MIB1: variants seen among roughly 807,000 people sequenced by gnomAD.
MIB1 encodes E3 ubiquitin-protein ligase MIB1.
MIB1 carries 278 observed loss-of-function variants against 124.5 expected under a neutral mutation model. The ratio of observed to expected loss-of-function variants is 2.23; its 90% CI spans 2.02 to 2.47. The LOEUF (loss-of-function observed/expected upper bound fraction) is 2.47. Ranked by LOEUF, MIB1 falls within the 30% of genes most tolerant of loss-of-function variation. The pLI is 0.00. For missense variants in MIB1, 957 were observed against 1,254.4 expected (o/e 0.76, Z 3.58); for synonymous variants, 446 against 429.4 (o/e 1.04, Z -0.48).
chr18:21,843,149 AT>A lies in MIB1; in HGVS notation c.1982del (p.Ile661ThrfsTer4). ...CGTTCAGGGTAATGCAAACCTGGAT[AT>A]CCAGAATGTGAACCAACAAACTGCC... ...LVHQGNANLD[I>X]QNVNQQTALH... On this transcript the variant is annotated frameshift_variant, in exon 14 of 21. Coordinates refer to ENST00000261537, the MANE Select transcript of MIB1 (RefSeq NM_020774.4). LOFTEE classifies it high-confidence loss of function. 1 of 1,602,322 alleles carries A rather than the reference AT, an allele frequency of 6.2e-7. No individual in the cohort carries two copies. The highest frequency in any genetic ancestry group is 8.5e-7 in the Non-Finnish European group (1 of 1,175,666).
intron 12 of MIB1, chr18:21,827,989 G>C (rs987985629): frequency 5.3e-5 from 8 of 151,874 alleles, no homozygotes; most frequent in Non-Finnish European, 1.0e-4. Context: ...GTCATTAGTA[G>C]CTTAAAACAG....
intron 12 of MIB1, among the ~76,000 whole-genome samples, chr18:21,832,599 T>A (rs546987520): frequency 2.0e-5 from 3 of 152,300 alleles, no homozygotes; most frequent in Admixed American, 6.5e-5. Context: ...AAATATGTCC[T>A]CTTAAGAAAC....
chr18:21,822,799 C>G (rs1229852628), intron 12 of MIB1, among the ~76,000 whole-genome samples: 1 of 152,134 alleles, frequency 6.6e-6, no homozygotes, highest in South Asian at 2.1e-4. Context: ...TCTTTTTGGC[C>G]TTTATACTAT....
Position 21,791,400 on chromosome 18 carries a change from C to G in MIB1, c.935C>G (p.Thr312Ser), listed in dbSNP as rs1343897362. ...TGGACCTTCAATCCTGCTGTTCTCACTAAAGCGAACATTGTCCGAAGTGGA... is the reference window on the plus strand; with the variant it reads ...TGGACCTTCAATCCTGCTGTTCTCAGTAAAGCGAACATTGTCCGAAGTGGA... ...NRWTFNPAVL[T>S]KANIVRSGDA... is the part of the protein sequence containing the mutation. The change falls in exon 7 of 21, where the codon ACT becomes AGT. Residue 312 changes from threonine (T) to serine (S), a missense_variant. Coordinates refer to ENST00000261537, the MANE Select transcript of MIB1 (RefSeq NM_020774.4). 1 of 1,613,314 alleles carries G rather than the reference C, an allele frequency of 6.2e-7. No individual in the cohort carries two copies. Among genetic ancestry groups the G allele is most frequent in the East Asian group, 2.2e-5 (1 of 44,858 alleles).
chr18:21,777,842 GC>G (rs1490492224), intron 4 of MIB1, among the ~76,000 whole-genome samples: 1 of 152,310 alleles, frequency 6.6e-6, no homozygotes, highest in East Asian at 1.9e-4. Context: ...ACAGGCGTGA[GC>G]CAACGTGTAC....
In MIB1 at chr18:21,759,044, T is replaced by C. The variant is rs1250988965; in HGVS notation, c.230-6728T>C. Among the ~76,000 whole-genome samples, 3 of 152,030 alleles carry C rather than the reference T, an allele frequency of 2.0e-5. No individual in the cohort carries two copies. The East Asian group carries it at 5.8e-4, about 29-fold the overall frequency. Reference sequence around the variant, plus strand: ...TAGAAAGAAAGCATTACTAATAACATTTGAACACCCTTTGTAGTATTTCTC... The same window carrying C: ...TAGAAAGAAAGCATTACTAATAACACTTGAACACCCTTTGTAGTATTTCTC... On this transcript the variant is annotated intron_variant, in intron 1 of 20. Transcript: ENST00000261537.
chr18:21,869,683 A>T lies in MIB1; in HGVS notation c.*5017A>T, dbSNP rs935525481. 6.6e-6 allele frequency: 1 copy of T among 152,408 alleles called. No individual in the cohort carries two copies. Among genetic ancestry groups the T allele is most frequent in the African/African-American group, 2.4e-5 (1 of 41,418 alleles). 9.4% of individuals were successfully genotyped at this position (152,408 alleles called of 1,614,324 possible). A position where few individuals can be genotyped will look rare whatever the true frequency, so the allele number is the denominator to read the frequency against. On this transcript the variant is annotated 3_prime_UTR_variant, in exon 21 of 21. Coordinates refer to ENST00000261537, the MANE Select transcript of MIB1 (RefSeq NM_020774.4). ...TAATTCTAATTAAGTTATTATGCAA[A>T]GTCATCTATAAGTAGCATCTGGGAA...
chr18:21,709,276 C>T (rs2040655049), intron 1 of MIB1, among the ~76,000 whole-genome samples: 1 of 149,742 alleles, frequency 6.7e-6, no homozygotes, highest in South Asian at 2.1e-4. Flanking sequence ...CCAGATAACG[C>T]CACTGCACTA....
chr18:21,834,794 A>C (rs1279379159), intron 12 of MIB1, among the ~76,000 whole-genome samples: 1 of 152,216 alleles, frequency 6.6e-6, no homozygotes, highest in Non-Finnish European at 1.5e-5. Flanking sequence ...CTAAATGTAA[A>C]GGGGTATTCT....
At chr18:21,719,702 C>T (rs1318350925) in intron 1 of MIB1, among the ~76,000 whole-genome samples, 1 of 151,598 alleles carries the variant, frequency 6.6e-6, no homozygotes, top group Non-Finnish European at 1.5e-5. Flanking sequence ...CATGATCCGC[C>T]CTCCTTGGCC....
At chr18:21,790,049 G>A (rs1301913401) in intron 6 of MIB1, among the ~76,000 whole-genome samples, 1 of 152,142 alleles carries the variant, frequency 6.6e-6, no homozygotes, top group African/African-American at 2.4e-5. Flanking sequence ...GAAAATGCCT[G>A]TATAAAGACA....
At chr18:21,827,294 G>T (rs896850129) in intron 12 of MIB1, 7 of 151,966 alleles carry the variant, frequency 4.6e-5, no homozygotes, top group Non-Finnish European at 8.8e-5. Context: ...AGTTAAACTC[G>T]CAAGCACCAG....
chr18:21,845,509 T>C (rs764097631), intron 15 of MIB1, among the ~76,000 whole-genome samples: 2 of 152,226 alleles, frequency 1.3e-5, no homozygotes, highest in Non-Finnish European at 2.9e-5. Flanking sequence ...TATGTTTAGG[T>C]CTATGATTCT....
chr18:21,758,785 G>A (rs1249865879), intron 1 of MIB1, among the ~76,000 whole-genome samples: 1 of 152,038 alleles, frequency 6.6e-6, no homozygotes, highest in Non-Finnish European at 1.5e-5. Flanking sequence ...CACCCGCCTC[G>A]GCCTCCCAAA....
At chr18:21,714,136 A>G (rs1365948300) in intron 1 of MIB1, among the ~76,000 whole-genome samples, 2 of 152,052 alleles carry the variant, frequency 1.3e-5, no homozygotes, top group Non-Finnish European at 2.9e-5. Flanking sequence ...GTGGATCTAC[A>G]CAGATCTCCA....
At chr18:21,787,979 C>T (rs1045595251) in intron 6 of MIB1, among the ~76,000 whole-genome samples, 2 of 152,132 alleles carry the variant, frequency 1.3e-5, no homozygotes, top group African/African-American at 4.8e-5. Flanking sequence ...AATTCCTCTA[C>T]ATCCTATAAA....
At chr18:21,805,299 C>T (rs1214231680) in intron 10 of MIB1, among the ~76,000 whole-genome samples, 1 of 152,096 alleles carries the variant, frequency 6.6e-6, no homozygotes, top group African/African-American at 2.4e-5. Context: ...AGGTGTGAGC[C>T]ACCGCGCCTA....
rs536200133 is a variant in MIB1 at position 21,741,527 on chromosome 18, C to CCGGCGGCAGCGGCGGCGGCGG, written c.-41_-21dup. On this transcript the variant is annotated 5_prime_UTR_variant, in exon 1 of 21. Transcript: ENST00000261537. This position sits in a 1 kb window ranked among gnomAD's most constrained non-coding sequence, Gnocchi z 5.4. The stretch of plus-strand genomic sequence containing the variant: ...CGGGCCCAACTCCCTCACGGGCCCC[C>CCGGCGGCAGCGGCGGCGGCGG]CGGCGGCAGCGGCGGCGGCGGCGGC... The CCGGCGGCAGCGGCGGCGGCGG allele has an allele frequency of 7.9e-6, 10 of 1,272,106 alleles. 1 individual carries two copies. In the Admixed American group the frequency reaches 2.6e-4, roughly 33 times the overall value. 78.8% of individuals were successfully genotyped at this position (1,272,106 alleles called of 1,614,324 possible).
chr18:21,852,675 C>G (rs1294390752), intron 17 of MIB1, among the ~76,000 whole-genome samples: 1 of 152,174 alleles, frequency 6.6e-6, no homozygotes, highest in African/African-American at 2.4e-5. Flanking sequence ...GGTAGAGTTT[C>G]TTAAATGTGG....
Sources: gnomAD v4.1 joint callset for allele counts (sites outside exome capture counted in the v4.1 genomes callset) on GRCh38, gnomAD v4.1.1 for gene constraint, Gnocchi (gnomAD v3.1) non-coding constraint, MANE v1.5 for transcripts, NCBI Gene and HGNC (gene_info 2026-07-23, HGNC 2026-07-21) for gene names.